The following DOCK8 variants were observed in gnomAD, a reference collection of about 807,000 sequenced individuals.
DOCK8 encodes the protein dedicator of cytokinesis 8, also known as dedicator of cytokinesis protein 8.
In DOCK8, 141 loss-of-function variants were observed where a neutral mutation model predicts 245.6. That is an observed-to-expected ratio of 0.57 (90% confidence interval 0.50 to 0.66). DOCK8 has a LOEUF of 0.66. DOCK8 is among the 30% of genes least tolerant of loss of function. The probability of loss-of-function intolerance (pLI) is 0.00; values close to 1 mark genes in which losing one functional copy is unlikely to be tolerated. For synonymous variants in DOCK8, 1,168 were observed against 970.2 expected (o/e 1.20, Z -3.79); for missense variants, 2,965 against 2,603.4 (o/e 1.14, Z -3.02).
chr9:454,783 C>CCATGACACCACCTAGGTA (rs1362578358), intron 46 of DOCK8, among the ~76,000 whole-genome samples: 4 of 152,146 alleles, frequency 2.6e-5, no homozygotes, highest in Non-Finnish European at 5.9e-5. Flanking sequence ...ATGATCCTTT[C>CCATGACACCACCTAGGTA]CATGACACCA....
chr9:278,671 A>G (rs1006641553), intron 2 of DOCK8, among the ~76,000 whole-genome samples: 1 of 152,222 alleles, frequency 6.6e-6, no homozygotes, highest in Non-Finnish European at 1.5e-5. Context: ...AACTTGACGG[A>G]CATCTGAAGG....
At chr9:398,286 C>T (rs774750890) in intron 25 of DOCK8, among the ~76,000 whole-genome samples, 23 of 152,286 alleles carry the variant, frequency 1.5e-4, no homozygotes, top group African/African-American at 3.6e-4. Context: ...GGAGAGAGTT[C>T]GAGGACCTCT....
chr9:402,475 G>A (rs1489562928), intron 26 of DOCK8, among the ~76,000 whole-genome samples: 1 of 152,184 alleles, frequency 6.6e-6, no homozygotes, highest in African/African-American at 2.4e-5. Context: ...GTCTGCCAGT[G>A]ACATCCACGG....
In DOCK8 at chr9:328,084, C is replaced by G. The variant is rs571400001; in HGVS notation, c.957C>G (p.His319Gln). The G allele has an allele frequency of 1.2e-6, 2 of 1,614,200 alleles. No individual in the cohort carries two copies. The highest frequency in any genetic ancestry group is 1.7e-6 in the Non-Finnish European group (2 of 1,180,014). Residue 319 changes from histidine (H) to glutamine (Q), a missense_variant, in exon 9 of 48, where the codon CAC becomes CAG. Around this residue, in one of 3 missense-constraint regions of DOCK8, gnomAD observed 2,825 missense variants for 2,453.5 expected, o/e 1.15. Transcript: ENST00000432829. ...AGTTCAAAGGATTTCTGCGAGCTCA[C>G]ACGCCTTCAGTGGCCGCATCAAGTC... ...SDQFKGFLRA[H>Q]TPSVAASSQA...
Position 419,742 on chromosome 9 carries a change from G to A in DOCK8, c.3841-659G>A, listed in dbSNP as rs940225259. Among the ~76,000 whole-genome samples the A allele has an allele frequency of 3.3e-5, 5 of 152,112 alleles. 1 individual carries two copies. Among genetic ancestry groups the A allele is most frequent in the African/African-American group, 7.2e-5 (3 of 41,412 alleles). ...TGATGAGATGAGTAACAGAGAGTGC[G>A]CTCAGCACTTTAAAATGAATACTTG... On this transcript the variant is annotated intron_variant, in intron 30 of 47. Transcript: ENST00000432829.
chr9:403,557 T>C (rs1226639924), intron 26 of DOCK8, among the ~76,000 whole-genome samples: 1 of 152,160 alleles, frequency 6.6e-6, no homozygotes, highest in Non-Finnish European at 1.5e-5. Flanking sequence ...ATTGGCTTCT[T>C]GTAAAATGGC....
rs2056642801 is a variant in DOCK8 at position 429,801 on chromosome 9, C to G, written c.4573C>G (p.Gln1525Glu). The stretch of plus-strand genomic sequence containing the variant: ...CAGCAGCATGGATGTCACCCGGAGC[C>G]AAGCCTGTGCCACCCTTTACCTCCT... ...CSSSMDVTRS[Q>E]ACATLYLLMR... The change falls in exon 36 of 48, where the codon CAA (glutamine) becomes GAA (glutamate). Residue 1525 changes from glutamine (Q) to glutamate (E), a missense_variant. Transcript: ENST00000432829. 2 of 1,614,204 alleles carry G rather than the reference C, an allele frequency of 1.2e-6. No homozygotes were observed. The highest frequency in any genetic ancestry group is 1.3e-5 in the African/African-American group (1 of 75,048).
chr9:302,851 G>A lies in DOCK8; in HGVS notation c.405-1730G>A, dbSNP rs569679739. Among the ~76,000 whole-genome samples the A allele has an allele frequency of 2.6e-5, 4 of 152,190 alleles. No individual in the cohort carries two copies. The South Asian group carries it at 8.3e-4, about 32-fold the overall frequency. ...TTATTGAAAAGTCATAAAATAGACT[G>A]GGCATGTGGCTTATGCTTGTAATCC... On this transcript the variant is annotated intron_variant, in intron 4 of 47. Transcript: ENST00000432829.
At chr9:358,040 G>T (rs9298959) in intron 14 of DOCK8, among the ~76,000 whole-genome samples, 92,722 of 151,792 alleles carry the variant, frequency 0.61, 28,663 homozygotes, top group East Asian at 0.8. Context: ...AATGTTTTGG[G>T]TTTTTTTCAC....
chr9:305,749 C>A (rs1405779271), intron 5 of DOCK8, among the ~76,000 whole-genome samples: 2 of 152,104 alleles, frequency 1.3e-5, no homozygotes, highest in African/African-American at 2.4e-5. Context: ...AGAAAGAAAG[C>A]AAGCCTTCAT....
intron 14 of DOCK8, among the ~76,000 whole-genome samples, chr9:350,453 T>C (rs1228692606): frequency 6.6e-6 from 1 of 152,250 alleles, no homozygotes; most frequent in Non-Finnish European, 1.5e-5. Context: ...ACTTAATGGC[T>C]GCTGAACTAG....
chr9:420,827 C>T, intron 31 of DOCK8, 122 bp from the exon 32 acceptor site: 4 of 1,397,318 alleles, frequency 2.9e-6, no homozygotes, highest in Non-Finnish European at 4.1e-6. Flanking sequence ...TCCAGAGCAG[C>T]ATCTCAGTGA....
rs568859494 is a variant in DOCK8, at chr9:463,801, G to A, written c.6239+114G>A. On this transcript the variant is annotated intron_variant, in intron 47 of 47. Transcript: ENST00000432829. ...GGGAGCTGCAGAACCTCGAAAGGGTGGAAGAGGGTCCCACAGTCAGAGAGG... is the reference window on the plus strand; with the variant it reads ...GGGAGCTGCAGAACCTCGAAAGGGTAGAAGAGGGTCCCACAGTCAGAGAGG... 24 of 1,269,104 alleles carry A rather than the reference G, an allele frequency of 1.9e-5. No homozygotes were observed. The African/African-American group carries it at 2.8e-4, about 15-fold the overall frequency. 78.6% of individuals were successfully genotyped at this position (1,269,104 alleles called of 1,614,324 possible).
chr9:310,138 G>C (rs781485227), intron 5 of DOCK8, among the ~76,000 whole-genome samples: 1 of 151,912 alleles, frequency 6.6e-6, no homozygotes, highest in African/African-American at 2.4e-5. Context: ...GTGGTGGCGC[G>C]TGCCTGTAAT....
Position 436,416 on chromosome 9 carries a change from A to G in DOCK8, c.5079+1441A>G, listed in dbSNP as rs551567676. On this transcript the variant is annotated intron_variant, in intron 39 of 47. Coordinates refer to ENST00000432829, the MANE Select transcript of DOCK8 (RefSeq NM_203447.4). ...AAATTTATTTTGACCATGTGATACT[A>G]TCAAAAATAAATATTATAGTACTAC... Among the ~76,000 whole-genome samples the G allele has an allele frequency of 2.4e-4, 37 of 152,334 alleles. 1 individual carries two copies. In the South Asian group the frequency reaches 6.8e-3, roughly 28 times the overall value.
At chr9:463,284 AAAAAC>A (rs1281008031) in intron 46 of DOCK8, among the ~76,000 whole-genome samples, 1 of 152,182 alleles carries the variant, frequency 6.6e-6, no homozygotes, top group East Asian at 1.9e-4. Flanking sequence ...GGTAAAAAAA[AAAAAC>A]AAACACAGAG....
At chr9:303,173 AG>A (rs1382492159) in intron 4 of DOCK8, among the ~76,000 whole-genome samples, 1 of 151,918 alleles carries the variant, frequency 6.6e-6, no homozygotes, top group African/African-American at 2.4e-5. Context: ...AAAAAAAAAA[AG>A]GCAAAAATTA....
At chr9:252,563 G>A (rs925515761) in intron 1 of DOCK8, among the ~76,000 whole-genome samples, 1 of 151,930 alleles carries the variant, frequency 6.6e-6, no homozygotes, top group Non-Finnish European at 1.5e-5. Context: ...AGCACTTTGG[G>A]AGGCCGAGGC....
At chr9:287,955 C>G (rs2048889406) in intron 3 of DOCK8, among the ~76,000 whole-genome samples, 1 of 151,918 alleles carries the variant, frequency 6.6e-6, no homozygotes, top group Non-Finnish European at 1.5e-5. Flanking sequence ...AAGAGGATCA[C>G]TTGAGCCCAG....
Sources: gnomAD v4.1 joint callset for allele counts (sites outside exome capture counted in the v4.1 genomes callset) on GRCh38, gnomAD v4.1.1 for gene constraint, gnomAD v4.1.1 regional missense constraint, MANE v1.5 for transcripts, NCBI Gene and HGNC (gene_info 2026-07-23, HGNC 2026-07-21) for gene names.